Variants in KCNIP4 observed in about 807,000 individuals in gnomAD.
The protein encoded by KCNIP4 is potassium voltage-gated channel interacting protein 4.
Under a neutral mutation model 34.0 loss-of-function variants are expected in KCNIP4, and 12 were observed. The observed-to-expected ratio is 0.35, with a 90% CI of 0.23 to 0.57. The LOEUF is 0.57. KCNIP4 is among the 20% of genes least tolerant of loss of function. The pLI, the probability that KCNIP4 is intolerant of heterozygous loss-of-function variation, is 0.83. For missense variants in KCNIP4, 238 were observed against 311.7 expected (o/e 0.76, Z 1.78); for synonymous variants, 124 against 102.2 (o/e 1.21, Z -1.29).
chr4:21,453,152 A>C (rs753642956), intron 1 of KCNIP4, among the ~76,000 whole-genome samples: 4 of 151,756 alleles, frequency 2.6e-5, no homozygotes, highest in Non-Finnish European at 2.9e-5. Context: ...TGTCTGATAG[A>C]GTGTGCAGGT....
intron 3 of KCNIP4, among the ~76,000 whole-genome samples, chr4:20,812,693 T>C (rs2149435102): frequency 6.6e-6 from 1 of 152,268 alleles, no homozygotes; most frequent in African/African-American, 2.4e-5. Context: ...AGGAGATTTC[T>C]TCTGAGGGTA....
chr4:21,618,252 A>C (rs1744736063), intron 1 of KCNIP4, among the ~76,000 whole-genome samples: 1 of 152,170 alleles, frequency 6.6e-6, no homozygotes, highest in African/African-American at 2.4e-5. Flanking sequence ...AGAAAGAAAC[A>C]GCTCTTCAAG....
chr4:21,907,639 G>A (rs370063392), intron 1 of KCNIP4, among the ~76,000 whole-genome samples: 12 of 152,086 alleles, frequency 7.9e-5, no homozygotes, highest in South Asian at 2.1e-4. Context: ...CCTTTGAAAC[G>A]AATTCAATAA....
chr4:20,839,339 T>A (rs1372212646), intron 3 of KCNIP4, among the ~76,000 whole-genome samples: 1 of 151,944 alleles, frequency 6.6e-6, no homozygotes, highest in Non-Finnish European at 1.5e-5. Context: ...TAGATATAGA[T>A]ATACATAGTT....
chr4:21,619,440 A>G (rs1744855917), intron 1 of KCNIP4, among the ~76,000 whole-genome samples: 1 of 152,216 alleles, frequency 6.6e-6, no homozygotes, highest in South Asian at 2.1e-4. Context: ...ATAAGTTTTG[A>G]TCATATCCTT....
intron 1 of KCNIP4, among the ~76,000 whole-genome samples, chr4:21,643,874 A>AGAT (rs1429824836): frequency 7.3e-5 from 7 of 95,590 alleles, no homozygotes; most frequent in Admixed American, 6.8e-4. Context: ...TGATGATGAT[A>AGAT]GATAGATAGA....
At chr4:21,387,706 G>T (rs1722159824) in intron 1 of KCNIP4, among the ~76,000 whole-genome samples, 1 of 152,170 alleles carries the variant, frequency 6.6e-6, no homozygotes, top group Non-Finnish European at 1.5e-5. Context: ...GAGTTTCAGT[G>T]TTAAAATGGC....
intron 1 of KCNIP4, among the ~76,000 whole-genome samples, chr4:21,541,229 G>C (rs1279569564): frequency 6.8e-6 from 1 of 147,568 alleles, no homozygotes; most frequent in Non-Finnish European, 1.5e-5. Context: ...AAATTACAGA[G>C]ATCCTAAGAC....
intron 1 of KCNIP4, among the ~76,000 whole-genome samples, chr4:21,074,956 G>C (rs867343906): frequency 6.6e-6 from 1 of 152,200 alleles, no homozygotes; most frequent in Admixed American, 6.5e-5. Flanking sequence ...TTTTGAGCGA[G>C]TTTCTTAATC....
intron 1 of KCNIP4, among the ~76,000 whole-genome samples, chr4:21,260,563 A>G (rs986309097): frequency 6.9e-6 from 1 of 144,046 alleles, no homozygotes; most frequent in East Asian, 2.0e-4. Flanking sequence ...GAGCATAAAC[A>G]CATCTGGCTG....
At chr4:21,212,462 T>C (rs1757284305) in intron 1 of KCNIP4, among the ~76,000 whole-genome samples, 1 of 152,220 alleles carries the variant, frequency 6.6e-6, no homozygotes. Context: ...GTGTAAGTTA[T>C]TCATTATCAA....
At position 20,812,906 on chromosome 4, in the gene KCNIP4, C is replaced by A. The variant is rs992936068; in HGVS notation, c.288+37637G>T. Among the ~76,000 whole-genome samples, 4 of 150,966 alleles carry A rather than the reference C, an allele frequency of 2.6e-5. No individual in the cohort carries two copies. The East Asian group carries it at 5.9e-4, about 22-fold the overall frequency. ...AGACAGTGTGGTATCTCTGGGACTG[C>A]GTACCTCCAATTTCTTGTTTGTGTG... On this transcript the variant is annotated intron_variant, in intron 3 of 8. Transcript: ENST00000382152.
At chr4:20,935,470 C>T (rs1440603756) in intron 1 of KCNIP4, among the ~76,000 whole-genome samples, 1 of 152,134 alleles carries the variant, frequency 6.6e-6, no homozygotes. Flanking sequence ...CCTGTCAATC[C>T]TACCTCTTAG....
chr4:21,483,072 C>T lies in KCNIP4; in HGVS notation c.61+465499G>A, dbSNP rs1442982528. 3.7e-5 allele frequency among the ~76,000 whole-genome samples: 3 copies of T among 81,692 alleles called. No individual in the cohort carries two copies. The Admixed American group carries it at 6.3e-4, about 17-fold the overall frequency. The allele number at this position is 81,692 out of a possible 152,430, so 53.6% of individuals were successfully genotyped here. ...GAAGGGGAACATCACACACTGGGGC[C>T]TGTTGTGGGGTGGGGGAGGGGGGAG... On this transcript the variant is annotated intron_variant, in intron 1 of 8. Transcript: ENST00000382152.
At chr4:21,727,152 T>C (rs1298577327) in intron 1 of KCNIP4, among the ~76,000 whole-genome samples, 4 of 152,334 alleles carry the variant, frequency 2.6e-5, no homozygotes, top group Admixed American at 2.0e-4. Flanking sequence ...ACACCCAATG[T>C]GATAGTATTA....
intron 1 of KCNIP4, among the ~76,000 whole-genome samples, chr4:21,790,557 G>A (rs1050035661): frequency 1.3e-5 from 2 of 151,618 alleles, no homozygotes; most frequent in Non-Finnish European, 2.9e-5. Flanking sequence ...CCCAGGACAA[G>A]TTTTGTATTA....
At chr4:21,531,077 A>G (rs1366965454) in intron 1 of KCNIP4, among the ~76,000 whole-genome samples, 13 of 152,292 alleles carry the variant, frequency 8.5e-5, no homozygotes. Flanking sequence ...TTCTCTCCCA[A>G]TAAAAATCAT....
chr4:21,938,439 G>A (rs1729997451), intron 1 of KCNIP4, among the ~76,000 whole-genome samples: 1 of 152,160 alleles, frequency 6.6e-6, no homozygotes, highest in South Asian at 2.1e-4. Flanking sequence ...CACATTTGGG[G>A]AAGCCCCCAT....
At chr4:21,537,904 C>T (rs777810515) in intron 1 of KCNIP4, among the ~76,000 whole-genome samples, 2 of 147,006 alleles carry the variant, frequency 1.4e-5, no homozygotes, top group Admixed American at 6.9e-5. Context: ...CCCAGCTACT[C>T]GGGAGGCTGA....
Sources: gnomAD v4.1 joint callset for allele counts (sites outside exome capture counted in the v4.1 genomes callset) on GRCh38, gnomAD v4.1.1 for gene constraint, MANE v1.5 for transcripts, NCBI Gene and HGNC (gene_info 2026-07-23, HGNC 2026-07-21) for gene names.